PTPRM: variants seen among roughly 807,000 people sequenced by gnomAD.
PTPRM encodes protein tyrosine phosphatase receptor type M.
Under a neutral mutation model 186.7 loss-of-function variants are expected in PTPRM, and 47 were observed. The ratio of observed to expected loss-of-function variants is 0.25; its 90% CI spans 0.20 to 0.32. PTPRM has a LOEUF of 0.32. Ranked by LOEUF, PTPRM falls within the 10% of genes least tolerant of loss-of-function variation. The pLI, the probability that PTPRM is intolerant of heterozygous loss-of-function variation, is 1.00. For missense variants in PTPRM, 1,494 were observed against 1,865.0 expected (o/e 0.80, Z 3.66); for synonymous variants, 668 against 674.9 (o/e 0.99, Z 0.16).
intron 2 of PTPRM, among the ~76,000 whole-genome samples, chr18:7,777,101 T>G (rs866980931): frequency 6.6e-6 from 1 of 152,272 alleles, no homozygotes; most frequent in Middle Eastern, 3.4e-3. Flanking sequence ...GGCAAATGGG[T>G]GGGAAAATCA....
At chr18:8,368,902 G>A (rs919236213) in intron 23 of PTPRM, among the ~76,000 whole-genome samples, 3 of 152,160 alleles carry the variant, frequency 2.0e-5, no homozygotes, top group Admixed American at 6.5e-5. Flanking sequence ...TGCTGGCCAG[G>A]AATAAGTTTA....
intron 1 of PTPRM, among the ~76,000 whole-genome samples, chr18:7,655,772 A>G (rs1233262514): frequency 2.0e-5 from 3 of 152,236 alleles, no homozygotes; most frequent in African/African-American, 7.2e-5. Flanking sequence ...TATTAAGTGA[A>G]AGAAGTCAGT....
intron 6 of PTPRM, among the ~76,000 whole-genome samples, chr18:7,952,275 G>T (rs1369432664): frequency 6.6e-6 from 1 of 151,784 alleles, no homozygotes; most frequent in Non-Finnish European, 1.5e-5. Context: ...TTAGTTTTAT[G>T]GTGTCCTTTC....
At chr18:7,628,891 A>C (rs2038124256) in intron 1 of PTPRM, among the ~76,000 whole-genome samples, 2 of 152,170 alleles carry the variant, frequency 1.3e-5, no homozygotes, top group Admixed American at 1.3e-4. Context: ...CACTATTACT[A>C]TCCCAGTTTA....
chr18:8,178,824 G>A (rs1032103539), intron 14 of PTPRM, among the ~76,000 whole-genome samples: 1 of 123,972 alleles, frequency 8.1e-6, no homozygotes, highest in Non-Finnish European at 1.9e-5. Context: ...AATAAATTTG[G>A]CTTTGATGGA....
rs757574296 is a variant in PTPRM, at chr18:8,338,309, TA to T, written c.2957-5106del. 3.5e-3 allele frequency among the ~76,000 whole-genome samples: 526 copies of T among 148,560 alleles called. 3 individuals carry two copies. The highest frequency in any genetic ancestry group is 0.012 in the African/African-American group (489 of 40,416). ...TATATATATATATATGGAAAAAAAT[TA>T]AAAAAAATGAAAACCTAGAAAGATA... On this transcript the variant is annotated intron_variant, in intron 22 of 32. Coordinates refer to ENST00000580170, the MANE Select transcript of PTPRM (RefSeq NM_001105244.2).
At chr18:7,709,269 T>C (rs1332235393) in intron 1 of PTPRM, among the ~76,000 whole-genome samples, 2 of 152,116 alleles carry the variant, frequency 1.3e-5, no homozygotes, top group African/African-American at 4.8e-5. Flanking sequence ...CCCTCAAAAC[T>C]ATACAAATAA....
intron 7 of PTPRM, among the ~76,000 whole-genome samples, chr18:8,026,230 G>A (rs2148012368): frequency 6.6e-6 from 1 of 152,326 alleles, no homozygotes; most frequent in South Asian, 2.1e-4. Flanking sequence ...GAAAGTCTGA[G>A]AACATCCTGG....
chr18:7,744,739 C>A (rs2040950286), intron 1 of PTPRM, among the ~76,000 whole-genome samples: 1 of 152,058 alleles, frequency 6.6e-6, no homozygotes, highest in Admixed American at 6.6e-5. Flanking sequence ...TTTCCCAGAG[C>A]CACTATGAGG....
intron 7 of PTPRM, among the ~76,000 whole-genome samples, chr18:8,022,846 A>G (rs1297352209): frequency 6.6e-6 from 1 of 152,212 alleles, no homozygotes; most frequent in African/African-American, 2.4e-5. Flanking sequence ...ATTAAGTGCT[A>G]TGGATGTCAG....
rs1475163856 is a variant in PTPRM at position 7,795,810 on chromosome 18, C to CTTTCTT, written c.196+21542_196+21543insCTTTTT. ...TATCGCATTTTTTCTTTCTTTCTTT[C>CTTTCTT]TTTTTTTTTTTTTTTTTTTAGAGAG... On this transcript the variant is annotated intron_variant, in intron 2 of 32. Transcript: ENST00000580170. Among the ~76,000 whole-genome samples, 91 of 117,742 alleles carry CTTTCTT rather than the reference C, an allele frequency of 7.7e-4. 1 individual carries two copies. Among genetic ancestry groups the CTTTCTT allele is most frequent in the African/African-American group, 2.9e-3 (89 of 31,006 alleles). 77.2% of individuals were successfully genotyped at this position (117,742 alleles called of 152,430 possible).
chr18:7,605,570 G>A (rs2037512176), intron 1 of PTPRM, among the ~76,000 whole-genome samples: 1 of 152,146 alleles, frequency 6.6e-6, no homozygotes, highest in Non-Finnish European at 1.5e-5. Flanking sequence ...TTAAGCTCTT[G>A]TCGTGAATCG....
chr18:7,700,290 T>C (rs2039932755), intron 1 of PTPRM, among the ~76,000 whole-genome samples: 1 of 152,144 alleles, frequency 6.6e-6, no homozygotes, highest in Non-Finnish European at 1.5e-5. Context: ...GGTGATAAGG[T>C]GACTGGACCC....
chr18:7,875,844 A>T (rs574757224), intron 2 of PTPRM, among the ~76,000 whole-genome samples: 1 of 152,062 alleles, frequency 6.6e-6, no homozygotes, highest in Admixed American at 6.6e-5. Flanking sequence ...ATTTTTTTTC[A>T]TTATGCGAAC....
At chr18:7,739,668 C>T (rs926776996) in intron 1 of PTPRM, among the ~76,000 whole-genome samples, 3 of 152,236 alleles carry the variant, frequency 2.0e-5, no homozygotes, top group Admixed American at 1.3e-4. Context: ...GTCTCTTATC[C>T]GTTGTATTGC....
At chr18:7,836,761 A>C (rs1380249051) in intron 2 of PTPRM, among the ~76,000 whole-genome samples, 1 of 152,178 alleles carries the variant, frequency 6.6e-6, no homozygotes, top group Non-Finnish European at 1.5e-5. Flanking sequence ...TTCCAGACAT[A>C]TTCTTCTAGG....
intron 1 of PTPRM, among the ~76,000 whole-genome samples, chr18:7,629,711 A>C (rs1228265210): frequency 6.6e-6 from 1 of 152,154 alleles, no homozygotes; most frequent in Non-Finnish European, 1.5e-5. Context: ...AGCACAACTG[A>C]AACCATTTTA....
At chr18:7,929,651 C>G (rs539718697) in intron 5 of PTPRM, among the ~76,000 whole-genome samples, 1 of 152,148 alleles carries the variant, frequency 6.6e-6, no homozygotes, top group East Asian at 1.9e-4. Flanking sequence ...AAATAAGACC[C>G]GTGTCCTTCA....
intron 14 of PTPRM, among the ~76,000 whole-genome samples, 186 bp downstream of exon 14, chr18:8,143,965 G>A (rs1024294512): frequency 6.6e-6 from 1 of 152,146 alleles, no homozygotes; most frequent in Non-Finnish European, 1.5e-5. Flanking sequence ...AGAGTAAATG[G>A]CTATGATTCT....
Sources: gnomAD v4.1 joint callset for allele counts (sites outside exome capture counted in the v4.1 genomes callset) on GRCh38, gnomAD v4.1.1 for gene constraint, MANE v1.5 for transcripts, NCBI Gene and HGNC (gene_info 2026-07-23, HGNC 2026-07-21) for gene names.